GPC6: variants seen among roughly 807,000 people sequenced by gnomAD.
GPC6 encodes glypican 6, also known as glypican-6.
In GPC6, 14 loss-of-function variants were observed where a neutral mutation model predicts 55.2. The ratio of observed to expected loss-of-function variants is 0.25; its 90% CI spans 0.17 to 0.40. The LOEUF is 0.40. Among genes scored for constraint, GPC6 ranks in the 10% least tolerant of loss-of-function variants. The probability of loss-of-function intolerance (pLI) is 1.00; values close to 1 mark genes in which losing one functional copy is unlikely to be tolerated. For missense variants in GPC6, 641 were observed against 708.5 expected, an observed-to-expected ratio of 0.90 and a Z score of 1.08; for synonymous variants, 278 against 259.6, an observed-to-expected ratio of 1.07 and a Z score of -0.68.
intron 4 of GPC6, among the ~76,000 whole-genome samples, chr13:94,194,869 G>A (rs1695393642): frequency 6.6e-6 from 1 of 151,992 alleles, no homozygotes; most frequent in African/African-American, 2.4e-5. Flanking sequence ...GTATGTGTGT[G>A]TGTGTTTGTG....
At chr13:93,833,242 A>G (rs1448030850) in intron 3 of GPC6, among the ~76,000 whole-genome samples, 1 of 151,954 alleles carries the variant, frequency 6.6e-6, no homozygotes. Context: ...TAAGTATTTT[A>G]CCAATGAACT....
intron 2 of GPC6, among the ~76,000 whole-genome samples, chr13:93,770,486 G>A (rs1237389861): frequency 6.6e-6 from 1 of 152,178 alleles, no homozygotes; most frequent in African/African-American, 2.4e-5. Flanking sequence ...GAGCTGTGAT[G>A]TGTTATATCA....
intron 2 of GPC6, among the ~76,000 whole-genome samples, chr13:93,624,221 G>C (rs981894695): frequency 1.3e-5 from 2 of 150,880 alleles, no homozygotes. Flanking sequence ...CACTGGCCTT[G>C]TATGATCTGA....
At chr13:93,578,644 T>TG (rs1491268713) in intron 2 of GPC6, among the ~76,000 whole-genome samples, 1 of 100,286 alleles carries the variant, frequency 1.0e-5, no homozygotes, top group African/African-American at 6.0e-5. Context: ...ATTTGTTTTG[T>TG]TTTTTTTTTC....
chr13:93,311,175 G>C (rs1431067669), intron 1 of GPC6, among the ~76,000 whole-genome samples: 1 of 152,142 alleles, frequency 6.6e-6, no homozygotes, highest in South Asian at 2.1e-4. Context: ...CTATGCTTAT[G>C]GAGGAAATTT....
intron 1 of GPC6, among the ~76,000 whole-genome samples, chr13:93,280,937 T>G (rs1877929206): frequency 6.6e-6 from 1 of 152,216 alleles, no homozygotes. Flanking sequence ...GGTCAGGCTG[T>G]AATGCTCGTC....
At position 93,227,653 on chromosome 13, in the gene GPC6, C is replaced by T. The variant is rs1474497477; in HGVS notation, c.160+37C>T. 1 of 1,534,728 alleles carries T rather than the reference C, an allele frequency of 6.5e-7. No homozygotes were observed. The highest frequency in any genetic ancestry group is 2.4e-5 in the East Asian group (1 of 42,242). ...CGCGCTGCAGGGGCAGGCTGCAGCC[C>T]TCGGCTGCCGCACGTCCCACTGGCC... On this transcript the variant is annotated intron_variant, in intron 1 of 8. Coordinates refer to ENST00000377047, the MANE Select transcript of GPC6 (RefSeq NM_005708.5). The surrounding 1 kb of genome is among the most constrained non-coding windows in gnomAD (Gnocchi z 4.3).
intron 1 of GPC6, among the ~76,000 whole-genome samples, chr13:93,396,900 C>T (rs985465209): frequency 3.9e-5 from 6 of 152,102 alleles, no homozygotes; most frequent in African/African-American, 1.4e-4. Flanking sequence ...AATTTCACAA[C>T]CTTCCCTTAT....
At chr13:94,217,438 A>C (rs1890258077) in intron 4 of GPC6, among the ~76,000 whole-genome samples, 1 of 152,204 alleles carries the variant, frequency 6.6e-6, no homozygotes, top group Admixed American at 6.5e-5. Flanking sequence ...ACAGACAATA[A>C]TAAATGGGAA....
At chr13:93,437,156 C>T (rs1297972290) in intron 1 of GPC6, among the ~76,000 whole-genome samples, 2 of 152,020 alleles carry the variant, frequency 1.3e-5, no homozygotes, top group East Asian at 1.9e-4. Flanking sequence ...GTGTTGTGAC[C>T]GCTCCACCAA....
At chr13:93,883,179 A>G (rs1400688750) in intron 3 of GPC6, among the ~76,000 whole-genome samples, 1 of 150,908 alleles carries the variant, frequency 6.6e-6, no homozygotes, top group African/African-American at 2.4e-5. Context: ...GGTAGCAAAA[A>G]TAATGCATGA....
At chr13:93,835,983 C>T (rs1298067836) in intron 3 of GPC6, 1 of 152,082 alleles carries the variant, frequency 6.6e-6, no homozygotes, top group African/African-American at 2.4e-5. Flanking sequence ...CTTCCTGTGG[C>T]TCATGACTTT....
intron 4 of GPC6, among the ~76,000 whole-genome samples, chr13:94,269,358 A>G (rs1891919316): frequency 6.6e-6 from 1 of 152,204 alleles, no homozygotes; most frequent in South Asian, 2.1e-4. Context: ...GGATGGATTC[A>G]TGGGACTGTG....
chr13:93,619,486 T>C (rs999400583), intron 2 of GPC6, among the ~76,000 whole-genome samples: 2 of 152,144 alleles, frequency 1.3e-5, no homozygotes, highest in Non-Finnish European at 2.9e-5. Context: ...AGGGTTTCCC[T>C]TTGTCACCCA....
chr13:94,153,392 T>C (rs1241437140), intron 4 of GPC6, among the ~76,000 whole-genome samples: 1 of 152,190 alleles, frequency 6.6e-6, no homozygotes, highest in African/African-American at 2.4e-5. Context: ...TATGAATCTA[T>C]GAACTTGGAG....
intron 1 of GPC6, among the ~76,000 whole-genome samples, chr13:93,249,240 T>C (rs1427211824): frequency 6.6e-6 from 1 of 152,234 alleles, no homozygotes; most frequent in Non-Finnish European, 1.5e-5. Flanking sequence ...CATTTGGTAA[T>C]ATCGCATCAG....
intron 3 of GPC6, among the ~76,000 whole-genome samples, chr13:94,013,945 C>T (rs1019285787): frequency 2.0e-5 from 3 of 152,116 alleles, no homozygotes; most frequent in African/African-American, 7.2e-5. Context: ...TCATAAGCCT[C>T]ATGCTTTTCT....
intron 2 of GPC6, among the ~76,000 whole-genome samples, chr13:93,678,280 C>A: frequency 6.6e-6 from 1 of 152,224 alleles, no homozygotes; most frequent in Admixed American, 6.5e-5. Context: ...CTTGTTTATA[C>A]AATACATAGC....
At chr13:93,537,013 T>C (rs966528987) in intron 1 of GPC6, among the ~76,000 whole-genome samples, 1 of 152,200 alleles carries the variant, frequency 6.6e-6, no homozygotes, top group Admixed American at 6.6e-5. Flanking sequence ...GAGAGTTAAC[T>C]GTTAAGCTGC....
Sources: allele counts gnomAD v4.1 joint callset (sites outside exome capture counted in the v4.1 genomes callset), GRCh38; gene constraint gnomAD v4.1.1; non-coding constraint Gnocchi (gnomAD v3.1); transcripts MANE v1.5; gene names NCBI Gene and HGNC (gene_info 2026-07-23, HGNC 2026-07-21).